RIPK1: variants seen among roughly 807,000 people sequenced by gnomAD.
The protein encoded by RIPK1 is receptor-interacting serine/threonine-protein kinase 1.
A neutral mutation model predicts 62.4 loss-of-function variants in RIPK1; 27 were observed. That is an observed-to-expected ratio of 0.43 (90% CI 0.32 to 0.60). The LOEUF is 0.60. Ranked by LOEUF, RIPK1 falls within the 20% of genes least tolerant of loss-of-function variation. The pLI is 0.07. For missense variants in RIPK1, 735 were observed against 831.0 expected (o/e 0.88, Z 1.42); for synonymous variants, 287 against 303.2 (o/e 0.95, Z 0.55).
At chr6:3,097,936 C>T (rs1581421613) in intron 7 of RIPK1, among the ~76,000 whole-genome samples, 1 of 152,150 alleles carries the variant, frequency 6.6e-6, no homozygotes, top group South Asian at 2.1e-4. Flanking sequence ...TGGCTCATGC[C>T]TGTAATCCCA....
intron 3 of RIPK1, among the ~76,000 whole-genome samples, 173 bp from the exon 4 acceptor site, chr6:3,080,806 C>CCCA (rs1554114006): frequency 1.1e-4 from 16 of 151,680 alleles, no homozygotes; most frequent in African/African-American, 3.9e-4. Context: ...TCTGCCCCCC[C>CCCA]CCGAATGAAA....
At chr6:3,094,450 C>G (rs1016649817) in intron 7 of RIPK1, among the ~76,000 whole-genome samples, 1 of 151,064 alleles carries the variant, frequency 6.6e-6, no homozygotes, top group Non-Finnish European at 1.5e-5. Flanking sequence ...TCCCTTGGAT[C>G]AAAAAAAATA....
rs188843684 is a variant in RIPK1, at chr6:3,100,448, T to C, written c.916-3777T>C. ...CAAATATATATATATTTCTGGAATG[T>C]GTGTGCAAATTCCTAGAGAGAGAAT... is the stretch of plus-strand genomic sequence containing the variant. On this transcript the variant is annotated intron_variant, in intron 7 of 10. Coordinates refer to ENST00000259808, the MANE Select transcript of RIPK1 (RefSeq NM_001354930.2). Among the ~76,000 whole-genome samples, 366 of 152,164 alleles carry C rather than the reference T, an allele frequency of 2.4e-3. 1 individual carries two copies. The highest frequency in any genetic ancestry group is 8.7e-3 in the African/African-American group (360 of 41,524).
chr6:3,094,108 GAGTACCTACCTGC>G, intron 7 of RIPK1, among the ~76,000 whole-genome samples: 1 of 138,298 alleles, frequency 7.2e-6, no homozygotes, highest in South Asian at 2.2e-4. Context: ...AGTAACTGCA[GAGTACCTACCTGC>G]CGCACCTAGT....
upstream of RIPK1, chr6:3,068,069 G>A (rs768377186): frequency 6.3e-6 from 2 of 316,196 alleles, no homozygotes; most frequent in Non-Finnish European, 9.2e-6. Context: ...TTTATTATTT[G>A]ATTTTTAATA....
intron 1 of RIPK1, among the ~76,000 whole-genome samples, chr6:3,071,789 T>C (rs1758725261): frequency 1.3e-5 from 2 of 152,170 alleles, no homozygotes; most frequent in Admixed American, 1.3e-4. Flanking sequence ...TGGACCCAAC[T>C]AGAGGCCTTC....
intron 9 of RIPK1, among the ~76,000 whole-genome samples, chr6:3,108,814 A>G (rs896943932): frequency 3.3e-5 from 5 of 152,108 alleles, no homozygotes; most frequent in African/African-American, 9.7e-5. Context: ...GTGTGTGCAC[A>G]TCCTATATTT....
rs1310821227 is a variant in RIPK1, at chr6:3,077,907, G to A, written c.293G>A (p.Gly98Asp). 1.8e-5 allele frequency: 29 copies of A among 1,614,044 alleles called. No individual in the cohort carries two copies. Among genetic ancestry groups the A allele is most frequent in the Non-Finnish European group, 2.5e-5 (29 of 1,180,044 alleles). The change falls in exon 3 of 11, where the codon GGC (glycine) becomes GAC (aspartate). Residue 98 changes from glycine (G) to aspartate (D), a missense_variant. Physicochemically the swap from Gly to Asp is moderately conservative, Grantham distance 94. Around this residue, in one of 2 missense-constraint regions of RIPK1, gnomAD observed 671 missense variants for 726.2 expected, o/e 0.92. Transcript: ENST00000259808. ...CTGGTGATGGAGTACATGGAGAAGGGCAACCTGATGCACGTGCTGAAAGCC... is the reference window on the plus strand; with the variant it reads ...CTGGTGATGGAGTACATGGAGAAGGACAACCTGATGCACGTGCTGAAAGCC... ...YSLVMEYMEK[G>D]NLMHVLKAEM...
At chr6:3,066,610 A>G (rs553683692), upstream of RIPK1, among the ~76,000 whole-genome samples, 43 of 152,146 alleles carry the variant, frequency 2.8e-4, no homozygotes, top group Non-Finnish European at 5.6e-4. Flanking sequence ...CAGAAAGAAA[A>G]TATCCCCTTC....
At chr6:3,065,374 T>C (rs1188719946), upstream of RIPK1, among the ~76,000 whole-genome samples, 1 of 149,818 alleles carries the variant, frequency 6.7e-6, no homozygotes, top group East Asian at 2.0e-4. Context: ...GGCTCTCCAG[T>C]GCTTTGCGTG....
chr6:3,068,658 C>T lies in RIPK1; in HGVS notation c.-64C>T. On this transcript the variant is annotated 5_prime_UTR_variant, in exon 1 of 11. Coordinates refer to ENST00000259808, the MANE Select transcript of RIPK1 (RefSeq NM_001354930.2). ...TGGACGGCGCGGCCACGGAGAAGGG[C>T]GCGGTGAGCGGACTGGCACCGCGCG... 1.0e-6 allele frequency: 1 copy of T among 985,242 alleles called. No homozygotes were observed. Among genetic ancestry groups the T allele is most frequent in the Non-Finnish European group, 1.2e-6 (1 of 829,892 alleles). 61.0% of individuals were successfully genotyped at this position (985,242 alleles called of 1,614,324 possible). A position where few individuals can be genotyped will look rare whatever the true frequency, so the allele number is the denominator to read the frequency against.
chr6:3,070,720 T>TACAG, intron 1 of RIPK1, among the ~76,000 whole-genome samples: 1 of 152,186 alleles, frequency 6.6e-6, no homozygotes, highest in African/African-American at 2.4e-5. Flanking sequence ...CATGAGCCCC[T>TACAG]GCACCTCACC....
At chr6:3,088,521 G>A (rs1759849398) in intron 6 of RIPK1, among the ~76,000 whole-genome samples, 1 of 152,206 alleles carries the variant, frequency 6.6e-6, no homozygotes, top group South Asian at 2.1e-4. Flanking sequence ...TTATCAGCTG[G>A]CAGGTAGGAC....
Position 3,083,327 on chromosome 6 carries a change from T to TATC in RIPK1, c.688+15_688+16insTCA. Reference sequence around the variant, plus strand: ...AGCCATATGAAAGTAAGGCATTACTTACTTTCCACTGCCGTCCCCTCAGCA... The same window carrying TATC: ...AGCCATATGAAAGTAAGGCATTACTTATCACTTTCCACTGCCGTCCCCTCAGCA... On this transcript the variant is annotated intron_variant, in intron 5 of 10. Coordinates refer to ENST00000259808, the MANE Select transcript of RIPK1 (RefSeq NM_001354930.2). The TATC allele has an allele frequency of 6.3e-7, 1 of 1,599,220 alleles. No homozygotes were observed. Among genetic ancestry groups the TATC allele is most frequent in the Non-Finnish European group, 8.5e-7 (1 of 1,173,344 alleles).
intron 7 of RIPK1, 48 bp downstream of exon 7, chr6:3,089,705 A>C: frequency 1.0e-6 from 1 of 998,426 alleles, no homozygotes; most frequent in Non-Finnish European, 1.5e-6. Flanking sequence ...CAAAATATAT[A>C]CTGTCAATCA....
intron 1 of RIPK1, 107 bp from the exon 2 acceptor site, chr6:3,076,657 C>A: frequency 4.8e-6 from 1 of 208,934 alleles, no homozygotes; most frequent in Non-Finnish European, 8.3e-6. Flanking sequence ...TCCAGCCTGA[C>A]TGACAAAGTG....
intron 2 of RIPK1, among the ~76,000 whole-genome samples, chr6:3,077,331 G>A (rs1759123395): frequency 6.6e-6 from 1 of 152,152 alleles, no homozygotes; most frequent in Non-Finnish European, 1.5e-5. Context: ...GTGAGGACCA[G>A]CCCTAAGTAT....
At position 3,105,588 on chromosome 6, in the gene RIPK1, G is replaced by T. The variant is rs1561773886; in HGVS notation, c.1113G>T (p.Glu371Asp). The change falls in exon 9 of 11, where the codon GAG becomes GAT. Residue 371 changes from glutamate to aspartate, a missense_variant. Physicochemically the swap from Glu to Asp is conservative, Grantham distance 45. Around this residue, in one of 2 missense-constraint regions of RIPK1, gnomAD observed 671 missense variants for 726.2 expected, o/e 0.92. Coordinates refer to ENST00000259808, the MANE Select transcript of RIPK1 (RefSeq NM_001354930.2). This position sits in a 1 kb window ranked among gnomAD's most constrained non-coding sequence, Gnocchi z 4.5. Reference protein sequence around the residue: ...PSLEHPQEENEPSLQSKLQDE... With the variant: ...PSLEHPQEENDPSLQSKLQDE... ...TGGAGCACCCACAAGAAGAGAATGA[G>T]CCCAGCCTGCAGAGTAAACTCCAAG... The T allele has an allele frequency of 6.2e-7, 1 of 1,614,018 alleles. No individual in the cohort carries two copies. The highest frequency in any genetic ancestry group is 8.5e-7 in the Non-Finnish European group (1 of 1,179,954).
At chr6:3,100,703 G>A (rs189359671) in intron 7 of RIPK1, among the ~76,000 whole-genome samples, 1 of 151,932 alleles carries the variant, frequency 6.6e-6, no homozygotes, top group Non-Finnish European at 1.5e-5. Flanking sequence ...TGATTCTCGT[G>A]CCTCAGCCTC....
Sources: allele counts gnomAD v4.1 joint callset (sites outside exome capture counted in the v4.1 genomes callset), GRCh38; gene constraint gnomAD v4.1.1; regional missense constraint gnomAD v4.1.1; non-coding constraint Gnocchi (gnomAD v3.1); transcripts MANE v1.5; gene names NCBI Gene and HGNC (gene_info 2026-07-23, HGNC 2026-07-21).